Variants in TMPRSS11F observed in about 807,000 individuals in gnomAD.
TMPRSS11F encodes transmembrane serine protease 11F, also known as transmembrane protease serine 11F.
A neutral mutation model predicts 60.2 loss-of-function variants in TMPRSS11F; 47 were observed. That is an observed-to-expected ratio of 0.78 (90% confidence interval 0.62 to 1.00). TMPRSS11F has a LOEUF of 1.00. Among genes scored for constraint, TMPRSS11F ranks in the 50% least tolerant of loss-of-function variants. The probability of loss-of-function intolerance (pLI) is 0.00; values close to 1 mark genes in which losing one functional copy is unlikely to be tolerated. For missense variants in TMPRSS11F, 519 were observed against 522.9 expected (o/e 0.99, Z 0.07); for synonymous variants, 166 against 167.3 (o/e 0.99, Z 0.06).
Position 68,068,838 on chromosome 4 carries a change from A to G in TMPRSS11F, c.554-19T>C, listed in dbSNP as rs1723389921. 1 of 1,611,792 alleles carries G rather than the reference A, an allele frequency of 6.2e-7. No homozygotes were observed. The highest frequency in any genetic ancestry group is 8.5e-7 in the Non-Finnish European group (1 of 1,178,092). On this transcript the variant is annotated intron_variant, in intron 6 of 9. Transcript: ENST00000356291. ...CCACAGCCTGCCACAGAAATACATG[A>G]TCATTCATATTCATAAAAAGGAGGA...
At chr4:68,128,993 A>T (rs903809180) in intron 1 of TMPRSS11F, among the ~76,000 whole-genome samples, 2 of 152,158 alleles carry the variant, frequency 1.3e-5, no homozygotes, top group Admixed American at 6.5e-5. Context: ...AATTAAAATT[A>T]TCACAAAATC....
chr4:68,095,575 C>G (rs1332645068), intron 2 of TMPRSS11F, among the ~76,000 whole-genome samples: 1 of 152,088 alleles, frequency 6.6e-6, no homozygotes, highest in Non-Finnish European at 1.5e-5. Flanking sequence ...TGGTAGAAAA[C>G]AGTTTGGTAT....
chr4:68,086,643 A>G (rs1007536589), intron 3 of TMPRSS11F, among the ~76,000 whole-genome samples: 6 of 152,114 alleles, frequency 3.9e-5, no homozygotes, highest in African/African-American at 1.4e-4. Context: ...AGAAAAAGAG[A>G]GAGACAATCC....
At chr4:68,118,542 T>A (rs1724568450) in intron 1 of TMPRSS11F, among the ~76,000 whole-genome samples, 1 of 152,182 alleles carries the variant, frequency 6.6e-6, no homozygotes, top group African/African-American at 2.4e-5. Context: ...TACAATATAT[T>A]TCTAGCAATT....
At chr4:68,124,433 A>G (rs902903665) in intron 1 of TMPRSS11F, among the ~76,000 whole-genome samples, 45 of 152,118 alleles carry the variant, frequency 3.0e-4, no homozygotes, top group African/African-American at 1.1e-3. Flanking sequence ...TTATCGTTTG[A>G]GCCTGGGAGG....
At chr4:68,115,356 CAAAAAAAAAAAAA>C (rs57550471) in intron 1 of TMPRSS11F, among the ~76,000 whole-genome samples, 4 of 74,690 alleles carry the variant, frequency 5.4e-5, no homozygotes, top group African/African-American at 1.1e-4. Flanking sequence ...GACACCATCT[CAAAAAAAAAAAAA>C]AAAAAAAAAA....
intron 1 of TMPRSS11F, among the ~76,000 whole-genome samples, chr4:68,104,301 G>A (rs1724256283): frequency 6.6e-6 from 1 of 152,030 alleles, no homozygotes; most frequent in African/African-American, 2.4e-5. Context: ...TTGGGTTGAG[G>A]AATTTCCTTT....
intron 1 of TMPRSS11F, among the ~76,000 whole-genome samples, chr4:68,110,063 T>C (rs1724382852): frequency 6.6e-6 from 1 of 152,206 alleles, no homozygotes; most frequent in Non-Finnish European, 1.5e-5. Context: ...AACATATTTG[T>C]ATTCAACCTG....
intron 4 of TMPRSS11F, 60 bp from the exon 5 acceptor site, chr4:68,072,546 A>C: frequency 7.7e-7 from 1 of 1,302,080 alleles, no homozygotes; most frequent in Non-Finnish European, 1.0e-6. Flanking sequence ...ACTTTAACTT[A>C]TTAGGACTCA....
chr4:68,063,538 T>A (rs6811029), intron 8 of TMPRSS11F, among the ~76,000 whole-genome samples: 2 of 152,110 alleles, frequency 1.3e-5, no homozygotes, highest in Admixed American at 1.3e-4. Context: ...CACCATGCCC[T>A]GTTAATTTTT....
At chr4:68,055,624 C>T (rs1723028029) in intron 9 of TMPRSS11F, among the ~76,000 whole-genome samples, 1 of 152,122 alleles carries the variant, frequency 6.6e-6, no homozygotes, top group South Asian at 2.1e-4. Flanking sequence ...GATGGCTTCA[C>T]AATTCAATTC....
At chr4:68,090,013 C>G (rs1385274163) in intron 3 of TMPRSS11F, among the ~76,000 whole-genome samples, 1 of 151,928 alleles carries the variant, frequency 6.6e-6, no homozygotes, top group Non-Finnish European at 1.5e-5. Context: ...AGATGGCTCA[C>G]CCAATATACT....
At chr4:68,090,264 A>G (rs1466598581) in intron 3 of TMPRSS11F, among the ~76,000 whole-genome samples, 1 of 152,026 alleles carries the variant, frequency 6.6e-6, no homozygotes, top group Admixed American at 6.6e-5. Flanking sequence ...TTAAAAATAG[A>G]GAAACATTTG....
intron 1 of TMPRSS11F, among the ~76,000 whole-genome samples, chr4:68,109,040 C>T (rs1280394792): frequency 6.6e-6 from 1 of 152,142 alleles, no homozygotes; most frequent in African/African-American, 2.4e-5. Flanking sequence ...AGAAAGCTCC[C>T]CTCACCTTTG....
At chr4:68,098,757 T>C in intron 2 of TMPRSS11F, 130 bp downstream of exon 2, 1 of 859,054 alleles carries the variant, frequency 1.2e-6, no homozygotes, top group Middle Eastern at 2.4e-4. Flanking sequence ...CAAACTATAA[T>C]TTAACATCAG....
intron 1 of TMPRSS11F, among the ~76,000 whole-genome samples, chr4:68,109,632 A>G (rs566890767): frequency 1.3e-5 from 2 of 152,322 alleles, no homozygotes; most frequent in South Asian, 4.1e-4. Flanking sequence ...AGTTCAACTT[A>G]GTAACACAAA....
At chr4:68,110,046 A>T (rs1234545418) in intron 1 of TMPRSS11F, among the ~76,000 whole-genome samples, 1 of 152,198 alleles carries the variant, frequency 6.6e-6, no homozygotes, top group Non-Finnish European at 1.5e-5. Flanking sequence ...TGTCTTACAT[A>T]TGTCTTAACA....
chr4:68,081,443 G>T (rs78219286), intron 3 of TMPRSS11F, among the ~76,000 whole-genome samples: 1 of 152,226 alleles, frequency 6.6e-6, no homozygotes, highest in Non-Finnish European at 1.5e-5. Flanking sequence ...ATTTTTTACA[G>T]CATTGGCTTT....
intron 1 of TMPRSS11F, among the ~76,000 whole-genome samples, chr4:68,101,436 A>C (rs1724187078): frequency 7.1e-6 from 1 of 140,790 alleles, no homozygotes; most frequent in South Asian, 2.3e-4. Flanking sequence ...AAAAGCCTGT[A>C]ATAAGCATAA....
Sources: allele counts gnomAD v4.1 joint callset (sites outside exome capture counted in the v4.1 genomes callset), GRCh38; gene constraint gnomAD v4.1.1; transcripts MANE v1.5; gene names NCBI Gene and HGNC (gene_info 2026-07-23, HGNC 2026-07-21).